SGCG: variants seen among roughly 807,000 people sequenced by gnomAD.
SGCG encodes gamma-sarcoglycan.
SGCG carries 26 observed loss-of-function variants against 29.3 expected under a neutral mutation model. That is an observed-to-expected ratio of 0.89 (90% CI 0.65 to 1.23). The LOEUF is 1.23. Among genes scored for constraint, SGCG ranks in the 50% most tolerant of loss-of-function variants. The pLI is 0.00. For missense variants in SGCG, 353 were observed against 356.0 expected (o/e 0.99, Z 0.07); for synonymous variants, 145 against 129.7 (o/e 1.12, Z -0.80).
chr13:23,320,560 C>T, intron 6 of SGCG, 77 bp from the exon 7 acceptor site: 1 of 1,254,396 alleles, frequency 8.0e-7, no homozygotes, highest in Non-Finnish European at 1.1e-6. Flanking sequence ...ATTTCCCATG[C>T]TAAGTTGAGG....
chr13:23,286,621 C>T (rs746645760), intron 5 of SGCG, among the ~76,000 whole-genome samples: 1 of 152,200 alleles, frequency 6.6e-6, no homozygotes, highest in Non-Finnish European at 1.5e-5. Context: ...CTTATACATA[C>T]ATACTGTGAT....
At chr13:23,302,385 G>A (rs1882194469) in intron 6 of SGCG, among the ~76,000 whole-genome samples, 2 of 152,052 alleles carry the variant, frequency 1.3e-5, no homozygotes, top group Admixed American at 1.3e-4. Flanking sequence ...TCACCCTACA[G>A]TGCTATAGCA....
chr13:23,278,361 T>C (rs1593215406), intron 4 of SGCG, among the ~76,000 whole-genome samples: 1 of 151,436 alleles, frequency 6.6e-6, no homozygotes, highest in East Asian at 2.0e-4. Flanking sequence ...GGGAATCACT[T>C]GAACTTGGGA....
At chr13:23,253,274 C>A (rs1405855303) in intron 4 of SGCG, among the ~76,000 whole-genome samples, 2 of 152,094 alleles carry the variant, frequency 1.3e-5, no homozygotes, top group Non-Finnish European at 2.9e-5. Flanking sequence ...AGTTACACAT[C>A]AAAATCTCTT....
Position 23,295,477 on chromosome 13 carries a change from C to G in SGCG, c.568C>G (p.Gln190Glu), listed in dbSNP as rs751460849. 10 of 1,612,952 alleles carry G rather than the reference C, an allele frequency of 6.2e-6. No homozygotes were observed. The East Asian group carries it at 2.2e-4, about 36-fold the overall frequency. Residue 190 changes from glutamine (Q) to glutamate (E), a missense_variant, in exon 6 of 8, where the codon CAA becomes GAA. Transcript: ENST00000218867. The stretch of plus-strand genomic sequence containing the variant: ...ACCCCTTGTCAGAGCCGACCCGTTT[C>G]AAGACCTTAGGTAAGAATTTTTGTT... Reference protein sequence around the residue: ...ETPLVRADPFQDLRLESPTRS... With the variant: ...ETPLVRADPFEDLRLESPTRS...
chr13:23,175,132 G>T, the SGCG span, among the ~76,000 whole-genome samples: 82 of 152,334 alleles, frequency 5.4e-4, no homozygotes, highest in African/African-American at 1.7e-3. Context: ...CTACATAGGA[G>T]AAAGGAGGAA....
intron 3 of SGCG, among the ~76,000 whole-genome samples, chr13:23,237,742 G>A (rs1879363918): frequency 6.7e-6 from 1 of 149,778 alleles, no homozygotes; most frequent in South Asian, 2.1e-4. Context: ...CCAAAAGGTA[G>A]ACACATCCAC....
chr13:23,190,227 T>A (rs1267212565), intron 1 of SGCG, among the ~76,000 whole-genome samples: 1 of 152,148 alleles, frequency 6.6e-6, no homozygotes, highest in African/African-American at 2.4e-5. Flanking sequence ...GAGTCTTGAT[T>A]GATTGATAAT....
intron 6 of SGCG, among the ~76,000 whole-genome samples, chr13:23,302,955 TA>T (rs1342833031): frequency 6.6e-6 from 1 of 152,130 alleles, no homozygotes; most frequent in Admixed American, 6.5e-5. Context: ...TATACACCAT[TA>T]AAAGTTATTT....
At position 23,197,472 on chromosome 13, in the gene SGCG, G is replaced by A. The variant is rs9580565; in HGVS notation, c.1-6223G>A. 2.7e-3 allele frequency among the ~76,000 whole-genome samples: 417 copies of A among 152,270 alleles called. 3 individuals are homozygous for A. The highest frequency in any genetic ancestry group is 8.5e-3 in the African/African-American group (352 of 41,554). On this transcript the variant is annotated intron_variant, in intron 1 of 7. Transcript: ENST00000218867. Reference sequence around the variant, plus strand: ...ATTGACATCATAAGTGCTATAAGAGGTTTGCTAAGCCCTCAGTCAGCAAGC... The same window carrying A: ...ATTGACATCATAAGTGCTATAAGAGATTTGCTAAGCCCTCAGTCAGCAAGC...
chr13:23,201,439 G>T lies in SGCG; in HGVS notation c.1-2256G>T, dbSNP rs184668647. On this transcript the variant is annotated intron_variant, in intron 1 of 7. Coordinates refer to ENST00000218867, the MANE Select transcript of SGCG (RefSeq NM_000231.3). ...GGAAAGACCATCCTGGGTAATCCGG[G>T]CAAGCCCAGTGTTATCACGGGGGTC... Among the ~76,000 whole-genome samples, 36 of 152,188 alleles carry T rather than the reference G, an allele frequency of 2.4e-4. No individual in the cohort carries two copies. The East Asian group carries it at 7.0e-3, about 30-fold the overall frequency.
intron 6 of SGCG, among the ~76,000 whole-genome samples, chr13:23,297,215 C>G (rs1881938462): frequency 6.9e-6 from 1 of 145,902 alleles, no homozygotes; most frequent in Non-Finnish European, 1.5e-5. Flanking sequence ...AAAAGTCAAA[C>G]ACAGACAATC....
At chr13:23,295,388 C>T in intron 5 of SGCG, 27 bp from the exon 6 acceptor site, 1 of 1,544,148 alleles carries the variant, frequency 6.5e-7, no homozygotes, top group Non-Finnish European at 9.0e-7. Context: ...TACTTCTGCT[C>T]CTGATACATC....
rs982516817 is a variant in SGCG at position 23,324,821 on chromosome 13, C to T, written c.*280C>T. Reference sequence around the variant, plus strand: ...GAACAATTGCGAATTCTCTCTGCCTCGCCTCCCCCTATCTTGTCCGTGTGG... The same window carrying T: ...GAACAATTGCGAATTCTCTCTGCCTTGCCTCCCCCTATCTTGTCCGTGTGG... On this transcript the variant is annotated 3_prime_UTR_variant, in exon 8 of 8. Coordinates refer to ENST00000218867, the MANE Select transcript of SGCG (RefSeq NM_000231.3). 4.6e-6 allele frequency: 2 copies of T among 430,586 alleles called. No individual in the cohort carries two copies. The highest frequency in any genetic ancestry group is 2.0e-5 in the African/African-American group (1 of 49,470). 26.7% of individuals were successfully genotyped at this position (430,586 alleles called of 1,614,324 possible).
In SGCG at chr13:23,273,323, T is replaced by C. The variant is rs138588072; in HGVS notation, c.386-6036T>C. Among the ~76,000 whole-genome samples the C allele has an allele frequency of 4.1e-3, 630 of 152,270 alleles. 12 individuals carry two copies. The East Asian group carries it at 0.085, about 21-fold the overall frequency. On this transcript the variant is annotated intron_variant, in intron 4 of 7. Coordinates refer to ENST00000218867, the MANE Select transcript of SGCG (RefSeq NM_000231.3). ...CCTCAGCCTCCCAGATAGCTGGGAT[T>C]ACAGGCATGTACCATCATGCCCAGC...
At chr13:23,202,355 A>T (rs1358822781) in intron 1 of SGCG, among the ~76,000 whole-genome samples, 2 of 152,224 alleles carry the variant, frequency 1.3e-5, no homozygotes, top group Admixed American at 1.3e-4. Flanking sequence ...TCAGCAGTGT[A>T]GTTACGAGCA....
chr13:23,281,836 C>T (rs569596124), intron 5 of SGCG, among the ~76,000 whole-genome samples: 1 of 152,322 alleles, frequency 6.6e-6, no homozygotes, highest in Admixed American at 6.5e-5. Flanking sequence ...CCACTGCTCA[C>T]CTCCTGCTGT....
chr13:23,324,309 T>A lies in SGCG; in HGVS notation c.703-59T>A, dbSNP rs1258909495. The A allele has an allele frequency of 3.3e-6, 5 of 1,503,820 alleles. No homozygotes were observed. The Admixed American group carries it at 8.4e-5, about 25-fold the overall frequency. 93.2% of individuals were successfully genotyped at this position (1,503,820 alleles called of 1,614,324 possible). ...TTGGAAATCTTGTGAGAATGGGGATTTGCTGCTGACCAGGGTGGCCCTTCC... is the reference window on the plus strand; with the variant it reads ...TTGGAAATCTTGTGAGAATGGGGATATGCTGCTGACCAGGGTGGCCCTTCC... On this transcript the variant is annotated intron_variant, in intron 7 of 7. Transcript: ENST00000218867.
chr13:23,321,907 GA>G (rs35265625), intron 7 of SGCG, among the ~76,000 whole-genome samples: 9,511 of 146,772 alleles, frequency 0.065, 436 homozygotes, highest in Non-Finnish European at 0.098. Flanking sequence ...CTGTTTGTTA[GA>G]AAAAAAAAAA....
Sources: gnomAD v4.1 joint callset for allele counts (sites outside exome capture counted in the v4.1 genomes callset) on GRCh38, gnomAD v4.1.1 for gene constraint, MANE v1.5 for transcripts, NCBI Gene and HGNC (gene_info 2026-07-23, HGNC 2026-07-21) for gene names.